HEG1: variants seen among roughly 807,000 people sequenced by gnomAD.
HEG1 encodes the protein protein HEG homolog 1.
Under a neutral mutation model 125.6 loss-of-function variants are expected in HEG1, and 56 were observed. The ratio of observed to expected loss-of-function variants is 0.45; its 90% CI spans 0.36 to 0.56. The LOEUF (loss-of-function observed/expected upper bound fraction) is 0.56, where lower values mean the gene tolerates loss of function less well. Among genes scored for constraint, HEG1 ranks in the 20% least tolerant of loss-of-function variants. The probability of loss-of-function intolerance (pLI) is 0.00; values close to 1 mark genes in which losing one functional copy is unlikely to be tolerated. For synonymous variants in HEG1, 644 were observed against 668.5 expected (o/e 0.96, Z 0.57); for missense variants, 1,523 against 1,670.0 (o/e 0.91, Z 1.53).
intron 1 of HEG1, among the ~76,000 whole-genome samples, chr3:125,038,409 C>T (rs566991713): frequency 4.6e-5 from 7 of 152,284 alleles, no homozygotes; most frequent in African/African-American, 1.4e-4. Flanking sequence ...TATTGAACTC[C>T]GGGTACCCCT....
chr3:124,991,927 T>C (rs1249657510), intron 12 of HEG1, among the ~76,000 whole-genome samples: 1 of 152,220 alleles, frequency 6.6e-6, no homozygotes, highest in Non-Finnish European at 1.5e-5. Flanking sequence ...GTAATTATTA[T>C]ATGACCAATG....
intron 14 of HEG1, 88 bp downstream of exon 14, chr3:124,990,699 G>A (rs1936818165): frequency 7.9e-7 from 1 of 1,266,028 alleles, no homozygotes; most frequent in South Asian, 1.3e-5. Flanking sequence ...GGTGTGAACT[G>A]AGGGAAGTGG....
chr3:125,043,274 C>T (rs1937611117), intron 1 of HEG1, among the ~76,000 whole-genome samples: 1 of 152,194 alleles, frequency 6.6e-6, no homozygotes, highest in Non-Finnish European at 1.5e-5. Context: ...CCTGGAGCTC[C>T]CAAGTCAGGG....
rs1431454809 is a variant in HEG1 at position 124,966,756 on chromosome 3, AC to A, written c.*3895del. ...GTTAGGCTAAACTTAGCCAAGGGCA[AC>A]TGGAGTGGACAGCTCCTCTTCCTCA... On this transcript the variant is annotated 3_prime_UTR_variant, in exon 17 of 17. Transcript: ENST00000311127. 1 of 152,268 alleles carries A rather than the reference AC, an allele frequency of 6.6e-6. No individual in the cohort carries two copies. Among genetic ancestry groups the A allele is most frequent in the Non-Finnish European group, 1.5e-5 (1 of 68,060 alleles). The allele number at this position is 152,268 out of a possible 1,614,324, so 9.4% of individuals were successfully genotyped here. A position where few individuals can be genotyped will look rare whatever the true frequency, so the allele number is the denominator to read the frequency against.
rs2107683941 is a variant in HEG1 at position 124,968,296 on chromosome 3, T to C, written c.*2356A>G. ...TCCCTTCCTCACTGGGTCACAGACA[T>C]GCTTTACTCATGTCCCCTTAGAGCC... On this transcript the variant is annotated 3_prime_UTR_variant, in exon 17 of 17. Coordinates refer to ENST00000311127, the MANE Select transcript of HEG1 (RefSeq NM_020733.2). 6.6e-6 allele frequency: 1 copy of C among 152,482 alleles called. No homozygotes were observed. The highest frequency in any genetic ancestry group is 1.5e-5 in the Non-Finnish European group (1 of 68,180). 9.4% of individuals were successfully genotyped at this position (152,482 alleles called of 1,614,324 possible).
chr3:125,017,951 C>T (rs1196555411), intron 5 of HEG1, among the ~76,000 whole-genome samples: 1 of 151,976 alleles, frequency 6.6e-6, no homozygotes, highest in African/African-American at 2.4e-5. Flanking sequence ...ATGGCGTGAA[C>T]CCGGAAGTCG....
At chr3:124,978,186 C>T (rs562487467) in intron 14 of HEG1, among the ~76,000 whole-genome samples, 5 of 152,274 alleles carry the variant, frequency 3.3e-5, no homozygotes, top group Admixed American at 6.5e-5. Flanking sequence ...CTCACCCTGT[C>T]GCCCAGGCTG....
chr3:125,010,635 C>A (rs770581337), intron 6 of HEG1, 80 bp from the exon 7 acceptor site: 3 of 849,438 alleles, frequency 3.5e-6, no homozygotes, highest in African/African-American at 1.7e-5. Context: ...TTAATTCTCC[C>A]AGCTAATATT....
chr3:124,972,536 C>T (rs1276707579), intron 16 of HEG1, among the ~76,000 whole-genome samples: 1 of 152,176 alleles, frequency 6.6e-6, no homozygotes, highest in Non-Finnish European at 1.5e-5. Flanking sequence ...TCCCTCCCAT[C>T]CAAAGTCTGC....
In HEG1 at chr3:125,021,003, C is replaced by T. The variant is rs201869333; in HGVS notation, c.1041G>A (p.Thr347=). The T allele has an allele frequency of 2.9e-5, 46 of 1,613,782 alleles. No homozygotes were observed. In the African/African-American group the frequency reaches 3.2e-4, roughly 11 times the overall value. The change falls in exon 4 of 17, where the codon ACG becomes ACA. Residue 347 remains threonine (T), a synonymous_variant. Coordinates refer to ENST00000311127, the MANE Select transcript of HEG1 (RefSeq NM_020733.2). ...DGGPRTLRSL[T]VSLGPVSKTE... is the part of the protein sequence containing the mutation. ...TCTTGCTCACAGGTCCCAGACTGACCGTCAAAGATCGCAGCGTTCTCGGGC... is the reference window on the plus strand; with the variant it reads ...TCTTGCTCACAGGTCCCAGACTGACTGTCAAAGATCGCAGCGTTCTCGGGC...
In HEG1 at chr3:125,013,723, G is replaced by A. The variant is rs368037835; in HGVS notation, c.1856C>T (p.Ala619Val). The change falls in exon 6 of 17, where the codon GCT (alanine) becomes GTT (valine). Residue 619 changes from alanine (A) to valine (V), a missense_variant. By Grantham distance (64) the Ala-to-Val change is moderately conservative (BLOSUM62 0). Coordinates refer to ENST00000311127, the MANE Select transcript of HEG1 (RefSeq NM_020733.2). ...SNISSYDGEYAQPSTESPVLH... is the reference protein window; with the variant it reads ...SNISSYDGEYVQPSTESPVLH... ...AACTGGCGACTCAGTAGAAGGCTGA[G>A]CATATTCCCCGTCATAGGATGAGAT... is the stretch of plus-strand genomic sequence containing the variant. 3.3e-5 allele frequency: 53 copies of A among 1,614,038 alleles called. No homozygotes were observed. The African/African-American group carries it at 5.3e-4, about 16-fold the overall frequency.
chr3:125,008,821 C>A (rs7614567), intron 8 of HEG1, among the ~76,000 whole-genome samples: 33 of 15,410 alleles, frequency 2.1e-3, no homozygotes, highest in African/African-American at 8.3e-3. Flanking sequence ...ACAAAAAACA[C>A]AAAAACAAAA....
intron 5 of HEG1, 44 bp from the exon 6 acceptor site, chr3:125,014,034 A>G: frequency 6.7e-7 from 1 of 1,502,346 alleles, no homozygotes; most frequent in Non-Finnish European, 8.9e-7. Flanking sequence ...AAAGAACAAC[A>G]AAACTCTGAA....
intron 8 of HEG1, among the ~76,000 whole-genome samples, chr3:125,007,393 C>T (rs561412647): frequency 6.6e-6 from 1 of 152,074 alleles, no homozygotes; most frequent in South Asian, 2.1e-4. Context: ...ACCTTTACGC[C>T]TGCAGTTACA....
chr3:125,030,850 C>T (rs530411462), intron 1 of HEG1, among the ~76,000 whole-genome samples: 3 of 152,126 alleles, frequency 2.0e-5, no homozygotes, highest in South Asian at 2.1e-4. Flanking sequence ...GCCCCTCACT[C>T]GCCAGCTGTG....
At position 124,977,897 on chromosome 3, in the gene HEG1, C is replaced by T. The variant is rs970430300; in HGVS notation, c.3783G>A (p.Leu1261=). ...CAATCAGTGCGATGCCTAGGATGAG[C>T]AGGAGCCCACCTCCCGCGGCTGCGA... The part of the protein sequence containing the change: ...VVIAAAGGGL[L]LILGIALIVT... The change falls in exon 15 of 17, where the codon CTG becomes CTA. Residue 1261 remains leucine (L), a synonymous_variant. Transcript: ENST00000311127. 2 of 1,580,346 alleles carry T rather than the reference C, an allele frequency of 1.3e-6. No homozygotes were observed. Among genetic ancestry groups the T allele is most frequent in the Admixed American group, 3.6e-5 (2 of 55,400 alleles).
intron 9 of HEG1, 64 bp downstream of exon 9, chr3:125,005,201 C>T (rs1044249937): frequency 1.0e-6 from 1 of 978,940 alleles, no homozygotes; most frequent in African/African-American, 1.6e-5. Flanking sequence ...GCAGTCCCCT[C>T]TTGGAATAAA....
chr3:124,979,033 T>G, intron 14 of HEG1, among the ~76,000 whole-genome samples: 1 of 151,552 alleles, frequency 6.6e-6, no homozygotes, highest in East Asian at 1.9e-4. Context: ...TCACTGAACC[T>G]CCACCTCCTG....
intron 14 of HEG1, among the ~76,000 whole-genome samples, chr3:124,986,842 G>T (rs1936747267): frequency 6.6e-6 from 1 of 152,142 alleles, no homozygotes. Flanking sequence ...CCTAACATAA[G>T]AACTTACAGA....
Sources: allele counts gnomAD v4.1 joint callset (sites outside exome capture counted in the v4.1 genomes callset), GRCh38; gene constraint gnomAD v4.1.1; transcripts MANE v1.5; gene names NCBI Gene and HGNC (gene_info 2026-07-23, HGNC 2026-07-21).